Variants in SCAF8 observed in about 807,000 individuals in gnomAD.
The protein encoded by SCAF8 is SR-related CTD associated factor 8.
In SCAF8, 23 loss-of-function variants were observed where a neutral mutation model predicts 140.5. That is an observed-to-expected ratio of 0.16 (90% CI 0.12 to 0.23). The LOEUF (loss-of-function observed/expected upper bound fraction) is 0.23, where lower values mean the gene tolerates loss of function less well. Among genes scored for constraint, SCAF8 ranks in the 10% least tolerant of loss-of-function variants. The pLI is 1.00. For missense variants in SCAF8, 1,397 were observed against 1,555.7 expected (o/e 0.90, Z 1.72); for synonymous variants, 575 against 528.9 (o/e 1.09, Z -1.20).
chr6:154,773,315 T>G (rs1437147864), intron 1 of SCAF8, among the ~76,000 whole-genome samples: 1 of 152,220 alleles, frequency 6.6e-6, no homozygotes, highest in Non-Finnish European at 1.5e-5. Context: ...ATATGCTGCC[T>G]TTTTCACCTG....
rs553838831 is a variant in SCAF8 at position 154,786,238 on chromosome 6, A to G, written c.160-1623A>G. Among the ~76,000 whole-genome samples, 25 of 152,202 alleles carry G rather than the reference A, an allele frequency of 1.6e-4. 1 individual carries two copies. In the South Asian group the frequency reaches 5.0e-3, roughly 30 times the overall value. On this transcript the variant is annotated intron_variant, in intron 3 of 19. Coordinates refer to ENST00000367178, the MANE Select transcript of SCAF8 (RefSeq NM_014892.5). Reference sequence around the variant, plus strand: ...TCAGGTTGGAGATGGAATCATAGGGAGGTCCAAGTGAGGTTTTCTTGCTGT... The same window carrying G: ...TCAGGTTGGAGATGGAATCATAGGGGGGTCCAAGTGAGGTTTTCTTGCTGT...
At position 154,733,436 on chromosome 6, in the gene SCAF8, T is replaced by G; in HGVS notation, c.-465T>G. On this transcript the variant is annotated 5_prime_UTR_variant, in exon 1 of 20. Coordinates refer to ENST00000367178, the MANE Select transcript of SCAF8 (RefSeq NM_014892.5). ...CCGCCATATTGGATGCCGCAGCCGCTGCTGCCAGCGCTTCCTCCTCTGTCT... is the reference window on the plus strand; with the variant it reads ...CCGCCATATTGGATGCCGCAGCCGCGGCTGCCAGCGCTTCCTCCTCTGTCT... The G allele has an allele frequency of 4.3e-6, 6 of 1,398,744 alleles. No individual in the cohort carries two copies. Among genetic ancestry groups the G allele is most frequent in the Non-Finnish European group, 5.6e-6 (6 of 1,075,956 alleles). The allele number at this position is 1,398,744 out of a possible 1,614,324, so 86.6% of individuals were successfully genotyped here. A position where few individuals can be genotyped will look rare whatever the true frequency, so the allele number is the denominator to read the frequency against.
Position 154,832,963 on chromosome 6 carries a change from T to C in SCAF8, c.3384T>C (p.Tyr1128=). 6.2e-7 allele frequency: 1 copy of C among 1,614,098 alleles called. No homozygotes were observed. ...GAGGTAGATTTCGGTCTGGAAACTA[T>C]CGATTTGATCCTAGAAGTGGTCCTT... ...EERGRFRSGN[Y]RFDPRSGPWN... Residue 1128 remains tyrosine, a synonymous_variant, in exon 20 of 20, where the codon TAT becomes TAC. Transcript: ENST00000367178.
Position 154,832,333 on chromosome 6 carries a change from G to A in SCAF8, c.2754G>A (p.Met918Ile). The part of the protein sequence containing the change: ...LPPLSIPNQR[M>I]PTMPMLDIRP... Reference sequence around the variant, plus strand: ...CTTTAAGTATCCCTAATCAAAGGATGCCCACAATGCCAATGTTAGACATTC... The same window carrying A: ...CTTTAAGTATCCCTAATCAAAGGATACCCACAATGCCAATGTTAGACATTC... The change falls in exon 20 of 20, where the codon ATG becomes ATA. Residue 918 changes from methionine to isoleucine, a missense_variant. Physicochemically the swap from Met to Ile is conservative, Grantham distance 10 (BLOSUM62 1). Around this residue, in one of 5 missense-constraint regions of SCAF8, gnomAD observed 930 missense variants for 874.6 expected, o/e 1.06. Transcript: ENST00000367178. 6.2e-7 allele frequency: 1 copy of A among 1,613,918 alleles called. No homozygotes were observed. Among genetic ancestry groups the A allele is most frequent in the Non-Finnish European group, 8.5e-7 (1 of 1,179,982 alleles).
chr6:154,832,762 A>G lies in SCAF8; in HGVS notation c.3183A>G (p.Gly1061=), dbSNP rs1214444507. The change falls in exon 20 of 20, where the codon GGA becomes GGG. Residue 1061 remains glycine (G), a synonymous_variant. Transcript: ENST00000367178. ...CACTAGATGGTAGGGATCATTTTGG[A>G]AGACCTCCTGTAGATATAAGAGAGA... ...RPPLDGRDHF[G]RPPVDIRENL... 1.2e-6 allele frequency: 2 copies of G among 1,613,936 alleles called. No individual in the cohort carries two copies. Among genetic ancestry groups the G allele is most frequent in the South Asian group, 2.2e-5 (2 of 91,066 alleles).
chr6:154,782,240 C>T (rs1777106875), intron 3 of SCAF8, among the ~76,000 whole-genome samples: 1 of 152,142 alleles, frequency 6.6e-6, no homozygotes, highest in South Asian at 2.1e-4. Flanking sequence ...AACCCTGTCC[C>T]AGCCTAAAAA....
intron 13 of SCAF8, among the ~76,000 whole-genome samples, chr6:154,817,816 A>G (rs1424336150): frequency 6.6e-6 from 1 of 152,188 alleles, no homozygotes; most frequent in Admixed American, 6.5e-5. Flanking sequence ...TTTCTGAGTT[A>G]ATATATTAAG....
At chr6:154,823,606 G>C (rs1237560206) in intron 16 of SCAF8, among the ~76,000 whole-genome samples, 2 of 152,228 alleles carry the variant, frequency 1.3e-5, no homozygotes, top group Non-Finnish European at 2.9e-5. Flanking sequence ...TGGAAAGATA[G>C]AGTTACCATT....
At chr6:154,742,073 A>C in intron 1 of SCAF8, 1 of 1,180,160 alleles carries the variant, frequency 8.5e-7, no homozygotes, top group Non-Finnish European at 1.2e-6. Context: ...TTAGGTTTCA[A>C]TTGGTAGTGG....
chr6:154,769,737 C>A (rs1015108262), intron 1 of SCAF8, among the ~76,000 whole-genome samples: 3 of 152,110 alleles, frequency 2.0e-5, no homozygotes, highest in Admixed American at 2.0e-4. Flanking sequence ...AAATTTAGAT[C>A]TTTCTGTACA....
At chr6:154,787,734 G>A in intron 3 of SCAF8, 127 bp from the exon 4 acceptor site, 1 of 696,672 alleles carries the variant, frequency 1.4e-6, no homozygotes, top group Non-Finnish European at 2.4e-6. Flanking sequence ...AGTAGTCAAT[G>A]TATGAATATT....
At chr6:154,769,218 A>G (rs907782343) in intron 1 of SCAF8, among the ~76,000 whole-genome samples, 2 of 152,198 alleles carry the variant, frequency 1.3e-5, no homozygotes, top group Non-Finnish European at 2.9e-5. Context: ...CAGTGGGTAC[A>G]TTTTTAAGGA....
intron 12 of SCAF8, among the ~76,000 whole-genome samples, chr6:154,813,474 A>G (rs1778154964): frequency 6.6e-6 from 1 of 152,046 alleles, no homozygotes; most frequent in Non-Finnish European, 1.5e-5. Flanking sequence ...AGTGAGCTAT[A>G]ATTAGGACAT....
intron 6 of SCAF8, among the ~76,000 whole-genome samples, chr6:154,795,774 T>C (rs1019119956): frequency 6.6e-6 from 1 of 152,302 alleles, no homozygotes; most frequent in Admixed American, 6.5e-5. Context: ...ACAAAACATG[T>C]ACGAATTGAT....
chr6:154,810,457 A>G (rs1778058047), intron 12 of SCAF8, among the ~76,000 whole-genome samples: 1 of 152,228 alleles, frequency 6.6e-6, no homozygotes, highest in South Asian at 2.1e-4. Context: ...TAGAAAATAC[A>G]TATTGACTGA....
intron 3 of SCAF8, 27 bp from the exon 4 acceptor site, chr6:154,787,834 C>A: frequency 6.4e-7 from 1 of 1,569,754 alleles, no homozygotes; most frequent in Admixed American, 1.9e-5. Context: ...CGTTTCCTTT[C>A]CTTTTCATTC....
In SCAF8 at chr6:154,733,630, C is replaced by A; in HGVS notation, c.-271C>A. 1 of 1,294,524 alleles carries A rather than the reference C, an allele frequency of 7.7e-7. No individual in the cohort carries two copies. The highest frequency in any genetic ancestry group is 2.5e-5 in the South Asian group (1 of 40,548). 80.2% of individuals were successfully genotyped at this position (1,294,524 alleles called of 1,614,324 possible). ...AAGGCGCCGCGGCCCAGCCCCTCCC[C>A]CGCCCGCCGCCGACCCGCCCCGGCA... is the stretch of plus-strand genomic sequence containing the variant. On this transcript the variant is annotated 5_prime_UTR_variant, in exon 1 of 20. Transcript: ENST00000367178.
Position 154,833,117 on chromosome 6 carries a change from C to G in SCAF8, c.3538C>G (p.Arg1180Gly). 6.2e-7 allele frequency: 1 copy of G among 1,613,968 alleles called. No homozygotes were observed. Among genetic ancestry groups the G allele is most frequent in the Non-Finnish European group, 8.5e-7 (1 of 1,179,972 alleles). Residue 1180 changes from arginine (R) to glycine (G), a missense_variant, in exon 20 of 20, where the codon CGA becomes GGA. Coordinates refer to ENST00000367178, the MANE Select transcript of SCAF8 (RefSeq NM_014892.5). ...AGAAATGAATGGAAATCGTCTTGGA[C>G]GAGACAGAATTCAAAACACTTGGGT... ...CREMNGNRLG[R>G]DRIQNTWVPP...
intron 4 of SCAF8, among the ~76,000 whole-genome samples, chr6:154,788,675 T>C (rs1402477655): frequency 6.6e-6 from 1 of 152,214 alleles, no homozygotes; most frequent in Non-Finnish European, 1.5e-5. Flanking sequence ...TGAGTTGATA[T>C]TTAACTGCAT....
Sources: allele counts gnomAD v4.1 joint callset (sites outside exome capture counted in the v4.1 genomes callset), GRCh38; gene constraint gnomAD v4.1.1; regional missense constraint gnomAD v4.1.1; transcripts MANE v1.5; gene names NCBI Gene and HGNC (gene_info 2026-07-23, HGNC 2026-07-21).